FHOD3: variants seen among roughly 807,000 people sequenced by gnomAD.
FHOD3 encodes the protein FH1/FH2 domain-containing protein 3.
A neutral mutation model predicts 173.0 loss-of-function variants in FHOD3; 90 were observed. That is an observed-to-expected ratio of 0.52 (90% CI 0.44 to 0.62). The LOEUF (loss-of-function observed/expected upper bound fraction) is 0.62, where lower values mean the gene tolerates loss of function less well. FHOD3 is among the 20% of genes least tolerant of loss of function. The pLI is 0.00. For synonymous variants in FHOD3, 828 were observed against 823.0 expected (o/e 1.01, Z -0.10); for missense variants, 1,945 against 2,034.7 (o/e 0.96, Z 0.85).
intron 5 of FHOD3, among the ~76,000 whole-genome samples, chr18:36,576,006 C>G (rs2058634215): frequency 6.6e-6 from 1 of 152,148 alleles, no homozygotes; most frequent in Non-Finnish European, 1.5e-5. Flanking sequence ...CCAGGATGAT[C>G]CCACAGAATC....
intron 1 of FHOD3, among the ~76,000 whole-genome samples, chr18:36,327,325 C>G (rs956144426): frequency 6.6e-6 from 1 of 152,226 alleles, no homozygotes; most frequent in Non-Finnish European, 1.5e-5. Flanking sequence ...CTAGATGATG[C>G]TTGGAATGCA....
intron 3 of FHOD3, among the ~76,000 whole-genome samples, chr18:36,496,038 C>T (rs1167409164): frequency 6.6e-6 from 1 of 152,210 alleles, no homozygotes; most frequent in Non-Finnish European, 1.5e-5. Flanking sequence ...GAGCCCTTCA[C>T]ATTCTAGTCT....
At chr18:36,538,244 A>G (rs747905924) in intron 5 of FHOD3, among the ~76,000 whole-genome samples, 1 of 152,240 alleles carries the variant, frequency 6.6e-6, no homozygotes, top group African/African-American at 2.4e-5. Flanking sequence ...TAAGTCTCAA[A>G]TGAAGAAGCT....
chr18:36,422,994 GT>G (rs2050063785), intron 3 of FHOD3, among the ~76,000 whole-genome samples: 1 of 152,108 alleles, frequency 6.6e-6, no homozygotes, highest in South Asian at 2.1e-4. Context: ...GAGTGCTCCT[GT>G]TGTCTCCTTC....
chr18:36,625,440 T>C, intron 9 of FHOD3, 71 bp from the exon 10 acceptor site: 1 of 1,267,636 alleles, frequency 7.9e-7, no homozygotes, highest in Non-Finnish European at 1.0e-6. Context: ...AATCCTGAAA[T>C]GCAGTCACAC....
chr18:36,446,256 T>C (rs1170865249), intron 3 of FHOD3, among the ~76,000 whole-genome samples: 1 of 152,142 alleles, frequency 6.6e-6, no homozygotes, highest in Non-Finnish European at 1.5e-5. Flanking sequence ...CCTCAGTGCA[T>C]AAGGGCCCTG....
chr18:36,530,741 C>T (rs1431903966), intron 5 of FHOD3, among the ~76,000 whole-genome samples: 1 of 152,188 alleles, frequency 6.6e-6, no homozygotes, highest in Non-Finnish European at 1.5e-5. Context: ...GGTAGAATTG[C>T]TGGTCAAGGG....
chr18:36,667,394 A>G (rs752367056), intron 14 of FHOD3, among the ~76,000 whole-genome samples: 6 of 152,242 alleles, frequency 3.9e-5, no homozygotes, highest in Admixed American at 6.5e-5. Context: ...AGAAGATGAA[A>G]TAATCTGTAT....
At chr18:36,612,575 C>CA (rs747695013) in intron 9 of FHOD3, among the ~76,000 whole-genome samples, 5 of 152,192 alleles carry the variant, frequency 3.3e-5, no homozygotes, top group Non-Finnish European at 5.9e-5. Context: ...AACAACTCTT[C>CA]ACTTTCTTCT....
intron 14 of FHOD3, among the ~76,000 whole-genome samples, chr18:36,665,530 A>G (rs2037123146): frequency 1.3e-5 from 2 of 151,632 alleles, no homozygotes; most frequent in Non-Finnish European, 2.9e-5. Flanking sequence ...GGTCTGGGAA[A>G]CTGAGTCACT....
chr18:36,409,121 A>C (rs568795952), intron 3 of FHOD3, among the ~76,000 whole-genome samples: 3 of 152,162 alleles, frequency 2.0e-5, no homozygotes, highest in African/African-American at 7.2e-5. Flanking sequence ...TTCCCTTTCC[A>C]GGAGGAGACC....
chr18:36,661,245 T>G (rs2036778320), intron 14 of FHOD3, among the ~76,000 whole-genome samples: 1 of 152,216 alleles, frequency 6.6e-6, no homozygotes, highest in South Asian at 2.1e-4. Context: ...AATTTTTTCT[T>G]TGTCATATTT....
chr18:36,425,149 T>G (rs1034016888), intron 3 of FHOD3, among the ~76,000 whole-genome samples: 1 of 152,232 alleles, frequency 6.6e-6, no homozygotes, highest in Non-Finnish European at 1.5e-5. Flanking sequence ...AGAGACTGCA[T>G]TCACATAACC....
chr18:36,541,268 A>G (rs1013645431), intron 5 of FHOD3, among the ~76,000 whole-genome samples: 4 of 147,960 alleles, frequency 2.7e-5, no homozygotes, highest in Admixed American at 6.8e-5. Context: ...AAAAAAAAAA[A>G]AAAAGAAAGA....
At chr18:36,413,379 A>G (rs544787007) in intron 3 of FHOD3, among the ~76,000 whole-genome samples, 1 of 152,270 alleles carries the variant, frequency 6.6e-6, no homozygotes, top group African/African-American at 2.4e-5. Context: ...TTCCTCTAGT[A>G]AAAAAGTTGA....
chr18:36,555,698 G>A (rs1396373089), intron 5 of FHOD3, among the ~76,000 whole-genome samples: 1 of 152,042 alleles, frequency 6.6e-6, no homozygotes. Flanking sequence ...TTCTGCTTCA[G>A]GTACTTTGAA....
At chr18:36,355,403 G>A in intron 1 of FHOD3, 136 bp from the exon 2 acceptor site, 2 of 667,894 alleles carry the variant, frequency 3.0e-6, no homozygotes, top group South Asian at 3.7e-5. Context: ...TAACATACTA[G>A]CTCTTCAAGT....
intron 14 of FHOD3, among the ~76,000 whole-genome samples, chr18:36,669,507 T>C (rs1240930163): frequency 6.6e-6 from 1 of 151,910 alleles, no homozygotes. Flanking sequence ...GGTTGCATAT[T>C]CTTGATTAGT....
chr18:36,431,062 A>G (rs781085197), intron 3 of FHOD3, among the ~76,000 whole-genome samples: 17 of 152,234 alleles, frequency 1.1e-4, no homozygotes, highest in Admixed American at 3.3e-4. Context: ...CACAAAGTTG[A>G]GATCTTGATA....
Sources: gnomAD v4.1 joint callset for allele counts (sites outside exome capture counted in the v4.1 genomes callset) on GRCh38, gnomAD v4.1.1 for gene constraint, MANE v1.5 for transcripts, NCBI Gene and HGNC (gene_info 2026-07-23, HGNC 2026-07-21) for gene names.